The following ERN2 variants were observed in gnomAD, a reference collection of about 807,000 sequenced individuals.
ERN2 encodes endoplasmic reticulum to nucleus signaling 2.
In ERN2, 111 loss-of-function variants were observed where a neutral mutation model predicts 107.9. The observed-to-expected ratio is 1.03, with a 90% CI of 0.88 to 1.20. The LOEUF (loss-of-function observed/expected upper bound fraction) is 1.20. ERN2 is among the 50% of genes most tolerant of loss of function. The probability of loss-of-function intolerance (pLI) is 0.00; values close to 1 mark genes in which losing one functional copy is unlikely to be tolerated. For missense variants in ERN2, 1,225 were observed against 1,197.9 expected, an observed-to-expected ratio of 1.02 and a Z score of -0.33; for synonymous variants, 524 against 501.7, an observed-to-expected ratio of 1.04 and a Z score of -0.59.
At position 23,695,783 on chromosome 16, in the gene ERN2, A is replaced by T. The variant is rs938726888; in HGVS notation, c.1610+111T>A. On this transcript the variant is annotated intron_variant, in intron 14 of 21. Coordinates refer to ENST00000256797, the MANE Select transcript of ERN2 (RefSeq NM_033266.4). Reference sequence around the variant, plus strand: ...AAAGAGCAGGACTGGCGAGTGAGGGATCAACCTGTACCCACCTCGGGGAGT... The same window carrying T: ...AAAGAGCAGGACTGGCGAGTGAGGGTTCAACCTGTACCCACCTCGGGGAGT... 5.3e-5 allele frequency: 37 copies of T among 697,358 alleles called. 1 individual carries two copies. Among genetic ancestry groups the T allele is most frequent in the Middle Eastern group, 2.5e-4 (1 of 3,960 alleles). 43.2% of individuals were successfully genotyped at this position (697,358 alleles called of 1,614,324 possible). A position where few individuals can be genotyped will look rare whatever the true frequency, so the allele number is the denominator to read the frequency against.
At chr16:23,700,415 C>G in intron 13 of ERN2, 124 bp downstream of exon 13, 1 of 922,492 alleles carries the variant, frequency 1.1e-6, no homozygotes, top group South Asian at 1.7e-5. Context: ...TCAAAACACT[C>G]TTCTTAATTC....
In ERN2 at chr16:23,701,088, A is replaced by G. The variant is rs760265226; in HGVS notation, c.1230T>C (p.Leu410=). 7 of 1,614,122 alleles carry G rather than the reference A, an allele frequency of 4.3e-6. No homozygotes were observed. The highest frequency in any genetic ancestry group is 3.3e-5 in the South Asian group (3 of 91,076). The change falls in exon 12 of 22, where the codon CTT becomes CTC. Residue 410 remains leucine (L), a synonymous_variant. Coordinates refer to ENST00000256797, the MANE Select transcript of ERN2 (RefSeq NM_033266.4). ...LELLSLSREK[L]WDSELHPEEK... The stretch of plus-strand genomic sequence containing the variant: ...CTTCTGGATGCAGCTCGGAGTCCCA[A>G]AGTTTCTCTCGGCTCAGGCTCAATA...
chr16:23,705,916 A>C (rs1328596983), intron 7 of ERN2, among the ~76,000 whole-genome samples: 1 of 152,120 alleles, frequency 6.6e-6, no homozygotes, highest in Admixed American at 6.5e-5. Flanking sequence ...CCCATCTCAC[A>C]AAAAATGGTG....
chr16:23,702,521 A>G lies in ERN2; in HGVS notation c.950T>C (p.Leu317Pro). ...GVALVPRGLTLAPADGPTTDE... is the reference protein window; with the variant it reads ...GVALVPRGLTPAPADGPTTDE... The stretch of plus-strand genomic sequence containing the variant: ...TGTGGTGGGGCCATCTGCGGGGGCC[A>G]GGGTCAGTCCACGAGGCTATGGCAG... The change falls in exon 10 of 22, where the codon CTG (leucine) becomes CCG (proline). Residue 317 changes from leucine (L) to proline (P), a missense_variant. Coordinates refer to ENST00000256797, the MANE Select transcript of ERN2 (RefSeq NM_033266.4). 6.2e-7 allele frequency: 1 copy of G among 1,614,082 alleles called. No individual in the cohort carries two copies. Among genetic ancestry groups the G allele is most frequent in the South Asian group, 1.1e-5 (1 of 91,086 alleles).
Position 23,701,257 on chromosome 16 carries a change from A to G in ERN2, c.1204-143T>C. 3.9e-6 allele frequency: 3 copies of G among 774,350 alleles called. No individual in the cohort carries two copies. In the South Asian group the frequency reaches 6.6e-5, roughly 17 times the overall value. 48.0% of individuals were successfully genotyped at this position (774,350 alleles called of 1,614,324 possible). ...TGGTGGGAAACGTGGCACTCTCCAC[A>G]GTGCTGAAACATCATGTTGCCCAGA... On this transcript the variant is annotated intron_variant, in intron 11 of 21. Coordinates refer to ENST00000256797, the MANE Select transcript of ERN2 (RefSeq NM_033266.4).
intron 6 of ERN2, 32 bp from the exon 7 acceptor site, chr16:23,706,463 C>A: frequency 6.7e-7 from 1 of 1,495,364 alleles, no homozygotes; most frequent in Non-Finnish European, 9.1e-7. Flanking sequence ...TTACCAGGAA[C>A]GTCCATTTGA....
intron 8 of ERN2, among the ~76,000 whole-genome samples, chr16:23,704,118 C>T (rs1360436246): frequency 2.6e-5 from 4 of 152,172 alleles, no homozygotes; most frequent in Non-Finnish European, 5.9e-5. Context: ...AAGCTGTCTA[C>T]TGGTTTATCA....
rs754110513 is a variant in ERN2, at chr16:23,705,132, G to A, written c.605C>T (p.Ala202Val). 3.7e-6 allele frequency: 6 copies of A among 1,611,860 alleles called. No individual in the cohort carries two copies. Among genetic ancestry groups the A allele is most frequent in the African/African-American group, 1.3e-5 (1 of 74,910 alleles). The change falls in exon 8 of 22, where the codon GCG becomes GTG. Residue 202 changes from alanine to valine, a missense_variant. Coordinates refer to ENST00000256797, the MANE Select transcript of ERN2 (RefSeq NM_033266.4). ...GSPGKYMSHL[A>V]SCGMGLLLTV... ...GAGCAGCAGGCCCATCCCGCAGGAC[G>A]CCAGGTGGCTCATGTCTGCCGAGAA...
At chr16:23,698,098 A>G (rs896278588) in intron 13 of ERN2, among the ~76,000 whole-genome samples, 2 of 152,172 alleles carry the variant, frequency 1.3e-5, no homozygotes, top group South Asian at 2.1e-4. Context: ...CATACACATG[A>G]TGGACTTTGC....
At position 23,710,506 on chromosome 16, in the gene ERN2, G is replaced by T; in HGVS notation, c.233+10C>A. On this transcript the variant is annotated intron_variant, in intron 3 of 21. Coordinates refer to ENST00000256797, the MANE Select transcript of ERN2 (RefSeq NM_033266.4). ...AAGCCTCCTCCTTAAAAGGCCCCAG[G>T]TTCACTTACTCTGTGACGTACATTG... 1 of 1,613,978 alleles carries T rather than the reference G, an allele frequency of 6.2e-7. No individual in the cohort carries two copies. The highest frequency in any genetic ancestry group is 1.6e-4 in the Middle Eastern group (1 of 6,062).
At position 23,695,283 on chromosome 16, in the gene ERN2, T is replaced by G. The variant is rs1959763330; in HGVS notation, c.1717A>C (p.Asn573His). The G allele has an allele frequency of 1.9e-6, 3 of 1,614,010 alleles. No homozygotes were observed. The East Asian group carries it at 6.7e-5, about 36-fold the overall frequency. The change falls in exon 15 of 22, where the codon AAC becomes CAC. Residue 573 changes from asparagine to histidine, a missense_variant. By Grantham distance (68) the Asn-to-His change is moderately conservative. Coordinates refer to ENST00000256797, the MANE Select transcript of ERN2 (RefSeq NM_033266.4). ...TCGGTGCAGAAGTAGCGGAGCACGT[T>G]GGGGTGCCTGTCAGACTCCTGCAGC... The part of the protein sequence containing the change: ...QLLQESDRHP[N>H]VLRYFCTERG...
At position 23,700,670 on chromosome 16, in the gene ERN2, G is replaced by A; in HGVS notation, c.1394C>T (p.Thr465Ile). The A allele has an allele frequency of 1.2e-6, 2 of 1,613,808 alleles. No homozygotes were observed. The highest frequency in any genetic ancestry group is 1.1e-5 in the South Asian group (1 of 91,036). Reference protein sequence around the residue: ...QPQVVEKQQETPLAPADFAHI... With the variant: ...QPQVVEKQQEIPLAPADFAHI... ...AGCAAAGTCTGCAGGTGCCAGGGGG[G>A]TCTCCTGCTGCTTCTCCACCACCTG... The change falls in exon 13 of 22, where the codon ACC becomes ATC. Residue 465 changes from threonine to isoleucine, a missense_variant. Coordinates refer to ENST00000256797, the MANE Select transcript of ERN2 (RefSeq NM_033266.4).
intron 8 of ERN2, among the ~76,000 whole-genome samples, chr16:23,704,679 C>G (rs1343177967): frequency 6.6e-6 from 1 of 152,138 alleles, no homozygotes; most frequent in East Asian, 1.9e-4. Context: ...TGGGGGCTAC[C>G]CAGGGGGTCC....
Position 23,695,359 on chromosome 16 carries a change from G to T in ERN2, c.1641C>A (p.Val547=). 6.2e-7 allele frequency: 1 copy of T among 1,605,120 alleles called. No individual in the cohort carries two copies. The highest frequency in any genetic ancestry group is 8.5e-7 in the Non-Finnish European group (1 of 1,175,972). Residue 547 remains valine (V), a synonymous_variant, in exon 15 of 22, where the codon GTC becomes GTA. Coordinates refer to ENST00000256797, the MANE Select transcript of ERN2 (RefSeq NM_033266.4). ...RGQFEGRAVA[V]KRLLRECFGL... ...CAAAGCACTCGCGGAGGAGCCGCTT[G>T]ACAGCCACTGCCCGTCCCTCAAACT...
At chr16:23,709,531 G>A (rs1478942161) in intron 4 of ERN2, 1 of 220,686 alleles carries the variant, frequency 4.5e-6, no homozygotes, top group East Asian at 1.5e-4. Context: ...TTTGGCTGAT[G>A]AGCCATTAGC....
chr16:23,697,988 A>T (rs780152006), intron 13 of ERN2, among the ~76,000 whole-genome samples: 9 of 151,976 alleles, frequency 5.9e-5, no homozygotes, highest in Non-Finnish European at 2.9e-5. Context: ...GGGCTCAAGC[A>T]ATCCTCCCAC....
At chr16:23,695,829 A>G (rs1959798564) in intron 14 of ERN2, 65 bp downstream of exon 14, 4 of 1,260,872 alleles carry the variant, frequency 3.2e-6, no homozygotes, top group South Asian at 2.5e-5. Flanking sequence ...ATGTCTCTCC[A>G]GGGGACAGTG....
At chr16:23,694,705 G>C in intron 17 of ERN2, 23 bp downstream of exon 17, 1 of 1,575,664 alleles carries the variant, frequency 6.3e-7, no homozygotes, top group South Asian at 1.2e-5. Context: ...TGTGTGCCTG[G>C]AGGACTTGGT....
chr16:23,708,642 G>A (rs1597158003), intron 4 of ERN2, among the ~76,000 whole-genome samples: 1 of 152,106 alleles, frequency 6.6e-6, no homozygotes, highest in African/African-American at 2.4e-5. Flanking sequence ...ACAGGCATAA[G>A]CCACCGTGCC....
Sources: gnomAD v4.1 joint callset for allele counts (sites outside exome capture counted in the v4.1 genomes callset) on GRCh38, gnomAD v4.1.1 for gene constraint, MANE v1.5 for transcripts, NCBI Gene and HGNC (gene_info 2026-07-23, HGNC 2026-07-21) for gene names.